The following RARB variants were observed in gnomAD, a reference collection of about 807,000 sequenced individuals.
RARB encodes retinoic acid receptor beta.
A neutral mutation model predicts 51.9 loss-of-function variants in RARB; 17 were observed. That is an observed-to-expected ratio of 0.33 (90% CI 0.22 to 0.49). The LOEUF (loss-of-function observed/expected upper bound fraction) is 0.49. Ranked by LOEUF, RARB falls within the 20% of genes least tolerant of loss-of-function variation. RARB has a pLI of 0.99. For missense variants in RARB, 369 were observed against 550.8 expected (o/e 0.67, Z 3.30); for synonymous variants, 215 against 195.4 (o/e 1.10, Z -0.84).
At chr3:25,380,863 G>A (rs560158370) in intron 5 of RARB, among the ~76,000 whole-genome samples, 1 of 152,070 alleles carries the variant, frequency 6.6e-6, no homozygotes, top group East Asian at 1.9e-4. Context: ...TATTTTCTCA[G>A]TATGACATCT....
intron 2 of RARB, among the ~76,000 whole-genome samples, chr3:24,952,848 G>A (rs77596207): frequency 6.6e-6 from 1 of 151,642 alleles, no homozygotes; most frequent in East Asian, 1.9e-4. Flanking sequence ...ACCTTAAAAG[G>A]TAACAACCCC....
At chr3:25,504,305 G>T (rs906724510) in intron 3 of RARB, among the ~76,000 whole-genome samples, 4 of 152,174 alleles carry the variant, frequency 2.6e-5, no homozygotes, top group East Asian at 1.9e-4. Context: ...AACAGCTCCA[G>T]ACTGTTAATC....
At chr3:24,984,583 A>T (rs1696747181) in intron 2 of RARB, among the ~76,000 whole-genome samples, 1 of 152,218 alleles carries the variant, frequency 6.6e-6, no homozygotes, top group Non-Finnish European at 1.5e-5. Flanking sequence ...CCAGAGCCTA[A>T]TAGTAGCAGA....
intron 5 of RARB, among the ~76,000 whole-genome samples, chr3:25,590,935 T>C (rs1045953267): frequency 2.0e-5 from 3 of 152,248 alleles, no homozygotes; most frequent in African/African-American, 7.2e-5. Flanking sequence ...CACCACACTT[T>C]ACTTCCCACT....
At chr3:25,247,358 C>T (rs541762534) in intron 5 of RARB, among the ~76,000 whole-genome samples, 2 of 152,162 alleles carry the variant, frequency 1.3e-5, no homozygotes, top group African/African-American at 4.8e-5. Context: ...TTCCAGGTGC[C>T]ACTGGGATAC....
chr3:24,981,574 T>TG, intron 2 of RARB, among the ~76,000 whole-genome samples: 1 of 152,082 alleles, frequency 6.6e-6, no homozygotes, highest in Non-Finnish European at 1.5e-5. Context: ...GCTCTGTGGA[T>TG]GTGGGACCCA....
intron 3 of RARB, among the ~76,000 whole-genome samples, chr3:25,090,300 T>G (rs1189807933): frequency 6.6e-6 from 1 of 152,164 alleles, no homozygotes; most frequent in East Asian, 1.9e-4. Flanking sequence ...ATTTTAATAT[T>G]GTCTATTCTT....
chr3:24,968,261 C>T (rs1049712207), intron 2 of RARB, among the ~76,000 whole-genome samples: 2 of 152,086 alleles, frequency 1.3e-5, no homozygotes, highest in African/African-American at 4.8e-5. Flanking sequence ...TATATCTCTA[C>T]CTCATAAATC....
intron 1 of RARB, among the ~76,000 whole-genome samples, chr3:24,840,742 TAAAAAAAA>T (rs55771334): frequency 1.4e-5 from 1 of 70,342 alleles, no homozygotes; most frequent in Non-Finnish European, 2.7e-5. Context: ...TGAGTAAGAG[TAAAAAAAA>T]AAAAAAAAAA....
At chr3:25,016,364 C>T (rs564625480) in intron 2 of RARB, among the ~76,000 whole-genome samples, 3 of 152,284 alleles carry the variant, frequency 2.0e-5, no homozygotes, top group Non-Finnish European at 2.9e-5. Context: ...TGAGAGGCTG[C>T]CCTGCAGACT....
At chr3:25,266,837 A>G (rs1051129969) in intron 5 of RARB, among the ~76,000 whole-genome samples, 1 of 152,216 alleles carries the variant, frequency 6.6e-6, no homozygotes, top group African/African-American at 2.4e-5. Context: ...AGCCAGGAGA[A>G]GAGCCTCACC....
chr3:25,364,916 T>C (rs1258512753), intron 5 of RARB, among the ~76,000 whole-genome samples: 1 of 152,190 alleles, frequency 6.6e-6, no homozygotes, highest in Non-Finnish European at 1.5e-5. Flanking sequence ...TGCATCTTAG[T>C]TTATTAACTT....
intron 5 of RARB, among the ~76,000 whole-genome samples, chr3:25,294,020 A>G (rs1054058545): frequency 2.6e-5 from 4 of 152,204 alleles, no homozygotes; most frequent in African/African-American, 7.2e-5. Flanking sequence ...CACAGAGACA[A>G]TAACTTCGGA....
intron 3 of RARB, among the ~76,000 whole-genome samples, chr3:25,536,564 C>A (rs569088116): frequency 6.6e-6 from 1 of 152,320 alleles, no homozygotes; most frequent in South Asian, 2.1e-4. Context: ...AAGTAGAGTA[C>A]AAACCTAGAT....
intron 5 of RARB, among the ~76,000 whole-genome samples, chr3:25,392,661 G>A (rs1481500103): frequency 6.6e-6 from 1 of 151,834 alleles, no homozygotes; most frequent in African/African-American, 2.4e-5. Flanking sequence ...CTGTAAAAGG[G>A]GTCGAGGTAT....
chr3:25,132,057 T>G (rs985238718), intron 3 of RARB, among the ~76,000 whole-genome samples: 1 of 151,852 alleles, frequency 6.6e-6, no homozygotes, highest in African/African-American at 2.4e-5. Flanking sequence ...ACAAATTTCT[T>G]TCTTGACACA....
At position 25,284,574 on chromosome 3, in the gene RARB, G is replaced by A. The variant is rs577041834; in HGVS notation, c.178+109999G>A. ...GCAGTAGCTAACTAATATAGTGAGG[G>A]AAGCAGCATTCTAAAATATAGGTTG... On this transcript the variant is annotated intron_variant, in intron 5 of 11. Transcript: ENST00000383772. 1.6e-3 allele frequency among the ~76,000 whole-genome samples: 238 copies of A among 152,192 alleles called. 2 individuals are homozygous for A. Among genetic ancestry groups the A allele is most frequent in the Non-Finnish European group, 2.4e-3 (164 of 68,012 alleles).
intron 4 of RARB, among the ~76,000 whole-genome samples, chr3:25,153,886 A>G (rs919042924): frequency 2.0e-5 from 3 of 152,168 alleles, no homozygotes; most frequent in Non-Finnish European, 4.4e-5. Context: ...AATATTCTCA[A>G]TGAGGGCCAA....
intron 1 of RARB, among the ~76,000 whole-genome samples, chr3:24,856,777 C>T (rs1702641388): frequency 6.6e-6 from 1 of 152,152 alleles, no homozygotes; most frequent in Admixed American, 6.5e-5. Flanking sequence ...CCTTAATTTC[C>T]CCTCTGTGAG....
Sources: gnomAD v4.1 joint callset for allele counts (sites outside exome capture counted in the v4.1 genomes callset) on GRCh38, gnomAD v4.1.1 for gene constraint, MANE v1.5 for transcripts, NCBI Gene and HGNC (gene_info 2026-07-23, HGNC 2026-07-21) for gene names.